Variants in RUNX1T1 observed in about 807,000 individuals in gnomAD.
RUNX1T1 encodes the protein protein CBFA2T1.
A neutral mutation model predicts 62.8 loss-of-function variants in RUNX1T1; 4 were observed. The ratio of observed to expected loss-of-function variants is 0.06; its 90% CI spans 0.03 to 0.15. The LOEUF is 0.15. Among genes scored for constraint, RUNX1T1 ranks in the 10% least tolerant of loss-of-function variants. The pLI, the probability that RUNX1T1 is intolerant of heterozygous loss-of-function variation, is 1.00. For missense variants in RUNX1T1, 508 were observed against 754.3 expected, an observed-to-expected ratio of 0.67 and a Z score of 3.82; for synonymous variants, 291 against 286.0, an observed-to-expected ratio of 1.02 and a Z score of -0.18.
intron 1 of RUNX1T1, among the ~76,000 whole-genome samples, chr8:92,081,998 G>A (rs1392557250): frequency 3.9e-5 from 6 of 152,060 alleles, no homozygotes; most frequent in Non-Finnish European, 8.8e-5. Context: ...CCATTCTCCT[G>A]CCTCAGCCTC....
chr8:92,000,845 A>G (rs1051577037), intron 5 of RUNX1T1, among the ~76,000 whole-genome samples: 2 of 152,216 alleles, frequency 1.3e-5, no homozygotes, highest in African/African-American at 4.8e-5. Flanking sequence ...TAGAAAATAA[A>G]TGAGGGAAAG....
intron 1 of RUNX1T1, among the ~76,000 whole-genome samples, chr8:92,048,879 A>C (rs150003536): frequency 6.7e-4 from 102 of 152,312 alleles, no homozygotes; most frequent in African/African-American, 2.2e-3. Context: ...TGTCCTTAAG[A>C]GACAAGAGAG....
chr8:91,970,138 G>T (rs545605783), intron 10 of RUNX1T1, among the ~76,000 whole-genome samples: 2 of 151,890 alleles, frequency 1.3e-5, no homozygotes, highest in South Asian at 4.2e-4. Flanking sequence ...ACCATCATAT[G>T]GGTTACCACA....
At chr8:91,997,256 C>T (rs16914707) in intron 5 of RUNX1T1, among the ~76,000 whole-genome samples, 14,725 of 152,004 alleles carry the variant, frequency 0.097, 857 homozygotes, top group Middle Eastern at 0.14. Flanking sequence ...TTCAAGGAAA[C>T]GGGGAAGTAT....
At chr8:92,086,696 G>C (rs720444) in intron 1 of RUNX1T1, among the ~76,000 whole-genome samples, 1 of 152,048 alleles carries the variant, frequency 6.6e-6, no homozygotes, top group Non-Finnish European at 1.5e-5. Flanking sequence ...CCTGAAGTGA[G>C]TCCCAGCTTC....
At chr8:91,998,626 T>C (rs1342999312) in intron 5 of RUNX1T1, among the ~76,000 whole-genome samples, 2 of 152,190 alleles carry the variant, frequency 1.3e-5, no homozygotes, top group African/African-American at 4.8e-5. Context: ...GTGGAATGCT[T>C]CCGTCACGTG....
intron 6 of RUNX1T1, among the ~76,000 whole-genome samples, 195 bp from the exon 8 acceptor site, chr8:91,987,167 A>C (rs1333902104): frequency 2.0e-5 from 3 of 152,222 alleles, no homozygotes; most frequent in Non-Finnish European, 4.4e-5. Flanking sequence ...TAGAACTAGA[A>C]GGAATTTTAG....
At chr8:92,011,793 C>T (rs568820176) in intron 3 of RUNX1T1, among the ~76,000 whole-genome samples, 1 of 152,306 alleles carries the variant, frequency 6.6e-6, no homozygotes, top group East Asian at 1.9e-4. Context: ...TCACTTCTAA[C>T]CTACCTTATA....
intron 6 of RUNX1T1, among the ~76,000 whole-genome samples, chr8:91,990,695 G>A (rs1817498211): frequency 6.6e-6 from 1 of 151,334 alleles, no homozygotes. Context: ...CCAGGCTGAG[G>A]TGCAGTGTGT....
intron 10 of RUNX1T1, among the ~76,000 whole-genome samples, chr8:91,966,856 G>A (rs1811740267): frequency 6.6e-6 from 1 of 152,104 alleles, no homozygotes; most frequent in Non-Finnish European, 1.5e-5. Flanking sequence ...TCCAAGTAAA[G>A]TTTGAGAACT....
At chr8:91,999,982 C>T (rs1202738773) in intron 5 of RUNX1T1, among the ~76,000 whole-genome samples, 2 of 152,038 alleles carry the variant, frequency 1.3e-5, no homozygotes, top group Non-Finnish European at 2.9e-5. Context: ...ACAAAATGCC[C>T]CGTACAACTG....
intron 1 of RUNX1T1, among the ~76,000 whole-genome samples, chr8:92,021,858 G>C (rs1824164474): frequency 1.3e-5 from 2 of 150,328 alleles, no homozygotes; most frequent in Non-Finnish European, 3.0e-5. Context: ...AGCCACCTTG[G>C]TACTCCCTGG....
At chr8:92,060,122 C>T (rs546794251) in intron 1 of RUNX1T1, among the ~76,000 whole-genome samples, 1 of 152,178 alleles carries the variant, frequency 6.6e-6, no homozygotes, top group Non-Finnish European at 1.5e-5. Context: ...TCCCAGCCTT[C>T]TCATAAGAAA....
chr8:91,972,673 G>A (rs892676047), intron 9 of RUNX1T1, among the ~76,000 whole-genome samples: 2 of 151,950 alleles, frequency 1.3e-5, no homozygotes, highest in Admixed American at 6.6e-5. Flanking sequence ...TTTTGCTTAC[G>A]ATCAAAGCTG....
At chr8:92,102,513 G>T (rs1038051132), upstream of RUNX1T1, among the ~76,000 whole-genome samples, 1 of 151,966 alleles carries the variant, frequency 6.6e-6, no homozygotes, top group Non-Finnish European at 1.5e-5. This position sits in a 1 kb window ranked among gnomAD's most constrained non-coding sequence, Gnocchi z 4.5. Flanking sequence ...TCGATCGGTT[G>T]TTTTGTCGGG....
intron 1 of RUNX1T1, among the ~76,000 whole-genome samples, chr8:92,041,276 A>G (rs1354749784): frequency 2.0e-5 from 3 of 152,210 alleles, no homozygotes; most frequent in Non-Finnish European, 2.9e-5. Flanking sequence ...TAACTACTAT[A>G]CTATTCGACT....
At chr8:91,972,872 T>A (rs1813141042) in intron 9 of RUNX1T1, among the ~76,000 whole-genome samples, 1 of 152,090 alleles carries the variant, frequency 6.6e-6, no homozygotes, top group Non-Finnish European at 1.5e-5. Flanking sequence ...GAAAACATTG[T>A]TACAATTTTA....
intron 1 of RUNX1T1, among the ~76,000 whole-genome samples, chr8:92,084,691 G>T (rs1835824862): frequency 6.6e-6 from 1 of 152,184 alleles, no homozygotes; most frequent in South Asian, 2.1e-4. Flanking sequence ...GGGAGGAAGG[G>T]TCATGAAAGT....
chr8:92,037,868 T>G (rs1296242974), intron 1 of RUNX1T1, among the ~76,000 whole-genome samples: 1 of 152,082 alleles, frequency 6.6e-6, no homozygotes, highest in Non-Finnish European at 1.5e-5. Context: ...ACAATAAATA[T>G]TTTTTAAGAC....
Sources: allele counts gnomAD v4.1 joint callset (sites outside exome capture counted in the v4.1 genomes callset), GRCh38; gene constraint gnomAD v4.1.1; non-coding constraint Gnocchi (gnomAD v3.1); transcripts MANE v1.5; gene names NCBI Gene and HGNC (gene_info 2026-07-23, HGNC 2026-07-21).